Variants in ST8SIA5 observed in about 807,000 individuals in gnomAD.
ST8SIA5 encodes alpha-2,8-sialyltransferase 8E.
In ST8SIA5, 24 loss-of-function variants were observed where a neutral mutation model predicts 40.2. The observed-to-expected ratio is 0.60, with a 90% confidence interval of 0.43 to 0.84. The LOEUF is 0.84. Ranked by LOEUF, ST8SIA5 falls within the 40% of genes least tolerant of loss-of-function variation. ST8SIA5 has a pLI of 0.00. For missense variants in ST8SIA5, 465 were observed against 498.5 expected, an observed-to-expected ratio of 0.93 and a Z score of 0.64; for synonymous variants, 198 against 201.8, an observed-to-expected ratio of 0.98 and a Z score of 0.16.
chr18:46,695,420 T>G (rs1599108918), intron 2 of ST8SIA5, among the ~76,000 whole-genome samples: 1 of 152,216 alleles, frequency 6.6e-6, no homozygotes, highest in East Asian at 1.9e-4. Flanking sequence ...GACCTCAGGC[T>G]GGTTATTTAA....
intron 1 of ST8SIA5, among the ~76,000 whole-genome samples, chr18:46,752,721 C>T (rs984533005): frequency 2.0e-5 from 3 of 152,190 alleles, no homozygotes; most frequent in Admixed American, 1.3e-4. Flanking sequence ...TCTGGGCTGT[C>T]GCTAAATTCT....
chr18:46,706,528 G>A (rs573682087), intron 1 of ST8SIA5, among the ~76,000 whole-genome samples: 53 of 152,228 alleles, frequency 3.5e-4, no homozygotes, highest in Middle Eastern at 3.4e-3. Flanking sequence ...CAAAAACCAC[G>A]ATTACTTTTG....
At chr18:46,737,620 T>C (rs1216467205) in intron 1 of ST8SIA5, among the ~76,000 whole-genome samples, 2 of 152,198 alleles carry the variant, frequency 1.3e-5, no homozygotes. Flanking sequence ...TGTGTGACTT[T>C]ACACATGTTA....
rs57426256 is a variant in ST8SIA5 at position 46,704,422 on chromosome 18, G to A, written c.224+150C>T. 2,330 of 693,762 alleles carry A rather than the reference G, an allele frequency of 3.4e-3. 47 individuals are homozygous for A. In the African/African-American group the frequency reaches 0.037, roughly 11 times the overall value. The allele number at this position is 693,762 out of a possible 1,614,324, so 43.0% of individuals were successfully genotyped here. A position where few individuals can be genotyped will look rare whatever the true frequency, so the allele number is the denominator to read the frequency against. On this transcript the variant is annotated intron_variant, in intron 2 of 6. Coordinates refer to ENST00000315087, the MANE Select transcript of ST8SIA5 (RefSeq NM_013305.6). ...GCCCTCCAGGGCTTTCCGAATGCCA[G>A]TGGCTCTGGGGAAGGAGACCTACTT...
At chr18:46,721,373 G>A in intron 1 of ST8SIA5, 2 of 1,536,140 alleles carry the variant, frequency 1.3e-6, no homozygotes, top group Non-Finnish European at 8.7e-7. Flanking sequence ...TGGAGCTGGA[G>A]TCACTGCCGC....
intron 2 of ST8SIA5, among the ~76,000 whole-genome samples, chr18:46,703,235 T>C (rs911598109): frequency 6.6e-6 from 1 of 152,198 alleles, no homozygotes; most frequent in Non-Finnish European, 1.5e-5. Context: ...AAGCTCCACC[T>C]CCTGGGTTCA....
rs151055802 is a variant in ST8SIA5, at chr18:46,679,068, A to G, written c.*974T>C. The G allele has an allele frequency of 6.6e-6, 1 of 152,382 alleles. No individual in the cohort carries two copies. The highest frequency in any genetic ancestry group is 1.9e-4 in the East Asian group (1 of 5,174). The allele number at this position is 152,382 out of a possible 1,614,324, so 9.4% of individuals were successfully genotyped here. ...GTCAGTGCTTTCCAGCCCAGAGCCT[A>G]TGGTTCCGACTGAGGAACACGATAC... On this transcript the variant is annotated 3_prime_UTR_variant, in exon 7 of 7. Transcript: ENST00000315087.
chr18:46,680,454 T>C lies in ST8SIA5; in HGVS notation c.719A>G (p.Glu240Gly). The C allele has an allele frequency of 6.2e-7, 1 of 1,609,352 alleles. No individual in the cohort carries two copies. Reference sequence around the variant, plus strand: ...GGCAGGCAGCAGCACCGACGCGTTCTCGTACACCTGCAGCACGCGATAGAA... The same window carrying C: ...GGCAGGCAGCAGCACCGACGCGTTCCCGTACACCTGCAGCACGCGATAGAA... ...RPFYRVLQVY[E>G]NASVLLPAFY... The change falls in exon 7 of 7, where the codon GAG becomes GGG. Residue 240 changes from glutamate to glycine, a missense_variant. By Grantham distance (98) the Glu-to-Gly change is moderately conservative. Transcript: ENST00000315087.
At chr18:46,734,366 G>C (rs147275442) in intron 1 of ST8SIA5, among the ~76,000 whole-genome samples, 1 of 152,028 alleles carries the variant, frequency 6.6e-6, no homozygotes, top group African/African-American at 2.4e-5. Context: ...GGAGAGGAAC[G>C]GAGAGACCCC....
chr18:46,696,296 G>A (rs965712714), intron 2 of ST8SIA5, among the ~76,000 whole-genome samples: 4 of 152,046 alleles, frequency 2.6e-5, no homozygotes, highest in Non-Finnish European at 5.9e-5. Flanking sequence ...GCAACACCCT[G>A]GCTCACCCAC....
At chr18:46,716,632 A>G (rs11082553) in intron 1 of ST8SIA5, among the ~76,000 whole-genome samples, 135,670 of 152,282 alleles carry the variant, frequency 0.89, 60,472 homozygotes, top group African/African-American at 0.9. Flanking sequence ...AGGAGCCTGC[A>G]GCTGTGCCTG....
At chr18:46,682,637 A>G (rs1432456172) in intron 5 of ST8SIA5, among the ~76,000 whole-genome samples, 2 of 152,366 alleles carry the variant, frequency 1.3e-5, no homozygotes, top group Admixed American at 6.5e-5. Flanking sequence ...GGAACCTGTG[A>G]CTATGCAGCC....
chr18:46,681,311 G>A (rs942864646), intron 6 of ST8SIA5, among the ~76,000 whole-genome samples: 4 of 152,018 alleles, frequency 2.6e-5, no homozygotes, highest in Non-Finnish European at 5.9e-5. Flanking sequence ...TTCCCTCTTG[G>A]GCCCTCTCTG....
chr18:46,680,481 G>T lies in ST8SIA5; in HGVS notation c.692C>A (p.Pro231Gln). 1 of 1,590,394 alleles carries T rather than the reference G, an allele frequency of 6.3e-7. No individual in the cohort carries two copies. Among genetic ancestry groups the T allele is most frequent in the Non-Finnish European group, 8.6e-7 (1 of 1,166,546 alleles). ...GTACACCTGCAGCACGCGATAGAAC[G>T]GCCGCCGCCACTTCTCCAGCTTGTG... is the stretch of plus-strand genomic sequence containing the variant. ...RFHKLEKWRR[P>Q]FYRVLQVYEN... Residue 231 changes from proline (P) to glutamine (Q), a missense_variant, in exon 7 of 7, where the codon CCG (proline) becomes CAG (glutamine). Transcript: ENST00000315087.
intron 1 of ST8SIA5, among the ~76,000 whole-genome samples, chr18:46,749,814 T>A (rs1209740696): frequency 6.6e-6 from 1 of 152,100 alleles, no homozygotes; most frequent in South Asian, 2.1e-4. Flanking sequence ...CCCAAGGCAA[T>A]GGTATTTAGA....
chr18:46,752,025 C>G (rs1410323350), intron 1 of ST8SIA5, among the ~76,000 whole-genome samples: 2 of 152,160 alleles, frequency 1.3e-5, no homozygotes, highest in Non-Finnish European at 2.9e-5. Context: ...ACTTTCTTCT[C>G]AGGAATTGGG....
At chr18:46,681,948 A>G in intron 6 of ST8SIA5, 24 bp downstream of exon 6, 1 of 1,611,874 alleles carries the variant, frequency 6.2e-7, no homozygotes, top group Non-Finnish European at 8.5e-7. Flanking sequence ...TGGACAGTGC[A>G]GCTCTAGAAA....
rs1004823379 is a variant in ST8SIA5, at chr18:46,675,802, C to G, written c.*4240G>C. ...TAGTGGCTCACACCTGTAATCCCAG[C>G]ACTTTGGGAGGCCAAGGCAGGAGGA... On this transcript the variant is annotated 3_prime_UTR_variant, in exon 7 of 7. Coordinates refer to ENST00000315087, the MANE Select transcript of ST8SIA5 (RefSeq NM_013305.6). The G allele has an allele frequency of 6.6e-6, 1 of 152,048 alleles. No individual in the cohort carries two copies. The highest frequency in any genetic ancestry group is 1.5e-5 in the Non-Finnish European group (1 of 68,060). 9.4% of individuals were successfully genotyped at this position (152,048 alleles called of 1,614,324 possible). A position where few individuals can be genotyped will look rare whatever the true frequency, so the allele number is the denominator to read the frequency against.
chr18:46,745,610 G>A (rs980389606), intron 1 of ST8SIA5, among the ~76,000 whole-genome samples: 86 of 152,228 alleles, frequency 5.6e-4, no homozygotes, highest in African/African-American at 2.0e-3. Context: ...AGGACCAAAC[G>A]GATTCACAGC....
Sources: allele counts gnomAD v4.1 joint callset (sites outside exome capture counted in the v4.1 genomes callset), GRCh38; gene constraint gnomAD v4.1.1; transcripts MANE v1.5; gene names NCBI Gene and HGNC (gene_info 2026-07-23, HGNC 2026-07-21).